Variants in PI4KA observed in about 807,000 individuals in gnomAD.
The protein encoded by PI4KA is phosphatidylinositol 4-kinase alpha.
Under a neutral mutation model 271.4 loss-of-function variants are expected in PI4KA, and 122 were observed. The ratio of observed to expected loss-of-function variants is 0.45; its 90% CI spans 0.39 to 0.52. PI4KA has a LOEUF of 0.52. Ranked by LOEUF, PI4KA falls within the 20% of genes least tolerant of loss-of-function variation. The pLI is 0.00. For missense variants in PI4KA, 1,969 were observed against 2,769.1 expected (o/e 0.71, Z 6.48); for synonymous variants, 1,041 against 1,078.8 (o/e 0.96, Z 0.69).
Position 20,818,474 on chromosome 22 carries a change from G to A in PI4KA, c.856+9C>T. ...ACGTCAAAATATTCTTCGGAAAGGTGAAGCCCACCTTCAAAGTAGTGAAAG... is the reference window on the plus strand; with the variant it reads ...ACGTCAAAATATTCTTCGGAAAGGTAAAGCCCACCTTCAAAGTAGTGAAAG... On this transcript the variant is annotated intron_variant, in intron 7 of 54. Transcript: ENST00000255882. 6.3e-7 allele frequency: 1 copy of A among 1,579,112 alleles called. No individual in the cohort carries two copies. The highest frequency in any genetic ancestry group is 1.2e-5 in the South Asian group (1 of 84,992).
intron 25 of PI4KA, 82 bp downstream of exon 25, chr22:20,752,821 A>AT: frequency 7.0e-7 from 1 of 1,436,856 alleles, no homozygotes; most frequent in Admixed American, 1.7e-5. Flanking sequence ...GATTAATAAT[A>AT]TAAGGATGAT....
intron 14 of PI4KA, 97 bp from the exon 15 acceptor site, chr22:20,799,863 G>A (rs1336075401): frequency 5.9e-6 from 4 of 681,458 alleles, no homozygotes; most frequent in Non-Finnish European, 9.9e-6. Context: ...AAAGTTTAAA[G>A]AACTGCTCTG....
chr22:20,781,659 C>A (rs1023209606), intron 19 of PI4KA, among the ~76,000 whole-genome samples: 2 of 152,258 alleles, frequency 1.3e-5, no homozygotes, highest in Non-Finnish European at 2.9e-5. Context: ...CAATGCTGGC[C>A]TCCTGTGGGT....
At chr22:20,789,623 C>A (rs535549572) in intron 19 of PI4KA, among the ~76,000 whole-genome samples, 1 of 152,312 alleles carries the variant, frequency 6.6e-6, no homozygotes, top group Admixed American at 6.5e-5. Context: ...AGCCACCATG[C>A]CTGGTCTGGA....
intron 1 of PI4KA, among the ~76,000 whole-genome samples, chr22:20,839,680 T>C (rs1256352425): frequency 6.6e-6 from 1 of 151,826 alleles, no homozygotes; most frequent in Non-Finnish European, 1.5e-5. Flanking sequence ...AAATACAAAA[T>C]GTAGCCAGGC....
intron 19 of PI4KA, among the ~76,000 whole-genome samples, chr22:20,781,284 T>C (rs1000027408): frequency 2.0e-5 from 3 of 152,146 alleles, no homozygotes; most frequent in African/African-American, 7.2e-5. Context: ...TACTTTACTC[T>C]CTAAGCTGAG....
At chr22:20,826,437 T>G (rs1302070715) in intron 3 of PI4KA, among the ~76,000 whole-genome samples, 2 of 152,212 alleles carry the variant, frequency 1.3e-5, no homozygotes, top group Non-Finnish European at 2.9e-5. Context: ...ACATTTTCTT[T>G]ATCCAGTCTT....
At chr22:20,745,182 C>T (rs1362600155) in intron 29 of PI4KA, among the ~76,000 whole-genome samples, 5 of 152,188 alleles carry the variant, frequency 3.3e-5, no homozygotes, top group South Asian at 2.1e-4. Context: ...GAAAAGGGTA[C>T]ACCTTGAATA....
rs757543742 is a variant in PI4KA, at chr22:20,764,888, G to A, written c.2637C>T (p.Ser879=). 58 of 1,613,542 alleles carry A rather than the reference G, an allele frequency of 3.6e-5. No individual in the cohort carries two copies. Among genetic ancestry groups the A allele is most frequent in the Middle Eastern group, 1.6e-4 (1 of 6,084 alleles). ...INLLDPPPEV[S]ALINKLDFAM... is the part of the protein sequence containing the mutation. ...CGAAGTCCAGCTTGTTGATGAGTGC[G>A]GACACCTCGGGAGGGGGGTCCAGCA... The change falls in exon 22 of 55, where the codon TCC becomes TCT. Residue 879 remains serine, a synonymous_variant. Transcript: ENST00000255882.
rs186996599 is a variant in PI4KA at position 20,779,848 on chromosome 22, C to T, written c.2328+13345G>A. On this transcript the variant is annotated intron_variant, in intron 19 of 54. Transcript: ENST00000255882. ...GGAGAGACCCATGAACAAGTGCACT[C>T]GATTTTGCATTTTAAAGACTTTGTT... is the stretch of plus-strand genomic sequence containing the variant. 1.1e-5 allele frequency: 17 copies of T among 1,614,170 alleles called. No homozygotes were observed. In the East Asian group the frequency reaches 1.1e-4, roughly 11 times the overall value.
In PI4KA at chr22:20,851,795, T is replaced by C. The variant is rs1315825627; in HGVS notation, c.156+6775A>G. On this transcript the variant is annotated intron_variant, in intron 1 of 54. Coordinates refer to ENST00000255882, the MANE Select transcript of PI4KA (RefSeq NM_058004.4). ...GATTTCTGCCTCAACTCTGTATTTATTTGTCAGTTTACCACACAAATGAAA... is the reference window on the plus strand; with the variant it reads ...GATTTCTGCCTCAACTCTGTATTTACTTGTCAGTTTACCACACAAATGAAA... 2.0e-5 allele frequency among the ~76,000 whole-genome samples: 3 copies of C among 152,366 alleles called. 1 individual carries two copies. Among genetic ancestry groups the C allele is most frequent in the Non-Finnish European group, 4.4e-5 (3 of 68,044 alleles).
rs141711458 is a variant in PI4KA, at chr22:20,765,615, C to T, written c.2407G>A (p.Val803Ile). 8.7e-6 allele frequency: 14 copies of T among 1,610,342 alleles called. No homozygotes were observed. In the Middle Eastern group the frequency reaches 4.9e-4, roughly 57 times the overall value. Residue 803 changes from valine to isoleucine, a missense_variant, in exon 20 of 55, where the codon GTT becomes ATT. Physicochemically the swap from Val to Ile is conservative, Grantham distance 29. Coordinates refer to ENST00000255882, the MANE Select transcript of PI4KA (RefSeq NM_058004.4). ...KLFRDFWLYS[V>I]LMGFAVEGSG... ...CCCTCCACAGCGAATCCCATCAGAA[C>T]GGAATACAGCCAGAAGTCTCGGAAG...
chr22:20,719,793 G>A (rs186547677), intron 43 of PI4KA, among the ~76,000 whole-genome samples: 33 of 152,162 alleles, frequency 2.2e-4, no homozygotes, highest in African/African-American at 7.5e-4. Context: ...TTGGGAGGCC[G>A]ACGTGAGTGG....
At chr22:20,762,666 GA>G (rs1013936388) in intron 22 of PI4KA, among the ~76,000 whole-genome samples, 2 of 152,170 alleles carry the variant, frequency 1.3e-5, no homozygotes, top group Admixed American at 6.5e-5. Flanking sequence ...ATGCTGGGAT[GA>G]AAGCCATGTT....
At chr22:20,768,307 A>G (rs1932715752) in intron 19 of PI4KA, among the ~76,000 whole-genome samples, 1 of 152,128 alleles carries the variant, frequency 6.6e-6, no homozygotes, top group Non-Finnish European at 1.5e-5. Flanking sequence ...CCTAGGTTCA[A>G]GAGATCCTCC....
At position 20,858,573 on chromosome 22, in the gene PI4KA, C is replaced by T. The variant is rs753999178; in HGVS notation, c.153G>A (p.Glu51=). The change falls in exon 1 of 55, where the codon GAG becomes GAA. Residue 51 remains glutamate (E), a synonymous_variant. Coordinates refer to ENST00000255882, the MANE Select transcript of PI4KA (RefSeq NM_058004.4). The part of the protein sequence containing the change: ...SLAVQRPASL[E]KVQKLLCMCP... ...CGGCCCAGCCCGCCGACGTTACCTT[C>T]TCCAAGGATGCTGGTCTCTGCACCG... The T allele has an allele frequency of 7.1e-7, 1 of 1,401,040 alleles. No individual in the cohort carries two copies. Among genetic ancestry groups the T allele is most frequent in the South Asian group, 1.5e-5 (1 of 65,926 alleles). The allele number at this position is 1,401,040 out of a possible 1,614,324, so 86.8% of individuals were successfully genotyped here.
chr22:20,747,746 T>G, intron 28 of PI4KA, 44 bp from the exon 29 acceptor site: 1 of 1,594,600 alleles, frequency 6.3e-7, no homozygotes. Context: ...TTTATCTGAT[T>G]TTTTTAGAGG....
Position 20,712,619 on chromosome 22 carries a change from G to C in PI4KA, c.5677-8C>G, listed in dbSNP as rs1226642364. 6.3e-7 allele frequency: 1 copy of C among 1,578,970 alleles called. No individual in the cohort carries two copies. The highest frequency in any genetic ancestry group is 8.6e-7 in the Non-Finnish European group (1 of 1,162,242). Reference sequence around the variant, plus strand: ...GCACTCGATCACCCCGCACTAGGAGGAAAGGCCAGTTCTGAGGCCCGCTGG... The same window carrying C: ...GCACTCGATCACCCCGCACTAGGAGCAAAGGCCAGTTCTGAGGCCCGCTGG... On this transcript the variant is annotated splice_polypyrimidine_tract_variant and splice_region_variant and intron_variant, in intron 49 of 54. Transcript: ENST00000255882.
intron 23 of PI4KA, among the ~76,000 whole-genome samples, chr22:20,753,439 C>T (rs1671970047): frequency 1.3e-5 from 2 of 152,214 alleles, no homozygotes; most frequent in East Asian, 3.9e-4. Context: ...AGGTCTCCCA[C>T]ACATGCCCCG....
Sources: allele counts gnomAD v4.1 joint callset (sites outside exome capture counted in the v4.1 genomes callset), GRCh38; gene constraint gnomAD v4.1.1; transcripts MANE v1.5; gene names NCBI Gene and HGNC (gene_info 2026-07-23, HGNC 2026-07-21).